Variants in TSNARE1 observed in about 807,000 individuals in gnomAD.
TSNARE1 encodes the protein t-SNARE domain containing 1.
In TSNARE1, 49 loss-of-function variants were observed where a neutral mutation model predicts 62.0. The observed-to-expected ratio is 0.79, with a 90% CI of 0.63 to 1.00. The LOEUF (loss-of-function observed/expected upper bound fraction) is 1.00. Ranked by LOEUF, TSNARE1 falls within the 50% of genes least tolerant of loss-of-function variation. The pLI is 0.00. For synonymous variants in TSNARE1, 328 were observed against 294.4 expected, an observed-to-expected ratio of 1.11 and a Z score of -1.17; for missense variants, 755 against 700.1, an observed-to-expected ratio of 1.08 and a Z score of -0.88.
At chr8:142,317,695 T>C (rs1358872572) in intron 7 of TSNARE1, among the ~76,000 whole-genome samples, 1 of 152,162 alleles carries the variant, frequency 6.6e-6, no homozygotes, top group African/African-American at 2.4e-5. Flanking sequence ...TGGTGGCTCA[T>C]GCCTGTAATC....
intron 10 of TSNARE1, among the ~76,000 whole-genome samples, chr8:142,292,366 G>A (rs1823939047): frequency 6.6e-6 from 1 of 152,242 alleles, no homozygotes; most frequent in Non-Finnish European, 1.5e-5. Context: ...GTGGTGGGAA[G>A]GCAGGTGCGG....
intron 11 of TSNARE1, among the ~76,000 whole-genome samples, chr8:142,281,038 G>C (rs1821359244): frequency 1.3e-5 from 2 of 152,328 alleles, no homozygotes; most frequent in Middle Eastern, 3.4e-3. Context: ...CCCGGGAAGA[G>C]GACGCCAGCT....
chr8:142,282,124 C>T (rs889800964), intron 11 of TSNARE1, among the ~76,000 whole-genome samples: 3 of 152,244 alleles, frequency 2.0e-5, no homozygotes, highest in Admixed American at 6.5e-5. Context: ...GGTGCCCTGG[C>T]TTGCGGTGCA....
At chr8:142,252,532 C>T (rs1019929657) in intron 12 of TSNARE1, among the ~76,000 whole-genome samples, 2 of 152,246 alleles carry the variant, frequency 1.3e-5, no homozygotes, top group African/African-American at 4.8e-5. Context: ...CCAGCAGGAG[C>T]TACCTGCATG....
At chr8:142,373,205 T>A (rs1023975059) in intron 1 of TSNARE1, among the ~76,000 whole-genome samples, 5 of 152,178 alleles carry the variant, frequency 3.3e-5, no homozygotes, top group Admixed American at 6.5e-5. Context: ...AGCCTGGAGC[T>A]GGGCACAACT....
intron 11 of TSNARE1, chr8:142,276,158 G>A: frequency 1.0e-6 from 1 of 985,416 alleles, no homozygotes; most frequent in Non-Finnish European, 1.2e-6. Flanking sequence ...GCCAGGGAGG[G>A]GAGAGCCAGG....
chr8:142,400,258 A>C (rs1308432456), intron 1 of TSNARE1, among the ~76,000 whole-genome samples: 1 of 152,112 alleles, frequency 6.6e-6, no homozygotes, highest in East Asian at 1.9e-4. Context: ...CAGCCTAGCC[A>C]ACATGGTGAA....
chr8:142,230,088 AT>A (rs1393048837), intron 12 of TSNARE1, among the ~76,000 whole-genome samples: 1 of 152,204 alleles, frequency 6.6e-6, no homozygotes, highest in Non-Finnish European at 1.5e-5. Context: ...AATTTAAAAA[AT>A]TCTGGACCCA....
chr8:142,276,748 G>A, intron 11 of TSNARE1: 1 of 985,356 alleles, frequency 1.0e-6, no homozygotes, highest in Non-Finnish European at 1.2e-6. Flanking sequence ...TGACCTGGAG[G>A]CCCACCCTCA....
chr8:142,317,048 C>T (rs117936421), intron 7 of TSNARE1, among the ~76,000 whole-genome samples: 3,327 of 151,886 alleles, frequency 0.022, 93 homozygotes, highest in East Asian at 0.041. Flanking sequence ...GAAGCAGGTG[C>T]GGCCAGCAGC....
At chr8:142,282,552 G>A (rs1026690501) in intron 11 of TSNARE1, among the ~76,000 whole-genome samples, 6 of 151,764 alleles carry the variant, frequency 4.0e-5, no homozygotes, top group South Asian at 2.1e-4. Context: ...GAGCAGAGGC[G>A]GGACCAGTGT....
chr8:142,375,475 G>A (rs1836260951), intron 1 of TSNARE1, among the ~76,000 whole-genome samples: 1 of 152,208 alleles, frequency 6.6e-6, no homozygotes, highest in South Asian at 2.1e-4. Flanking sequence ...GCAGGCACTG[G>A]CAGGACATGC....
chr8:142,371,351 A>T (rs974198972), intron 1 of TSNARE1, among the ~76,000 whole-genome samples: 1 of 152,220 alleles, frequency 6.6e-6, no homozygotes, highest in Non-Finnish European at 1.5e-5. Flanking sequence ...AATGGCTGCC[A>T]GGGGCTAGGG....
At chr8:142,357,413 C>A (rs1358314114) in intron 1 of TSNARE1, among the ~76,000 whole-genome samples, 1 of 152,178 alleles carries the variant, frequency 6.6e-6, no homozygotes, top group Non-Finnish European at 1.5e-5. Context: ...TGGTGGGGCG[C>A]TGGTGGGGCC....
rs557327660 is a variant in TSNARE1, at chr8:142,371,109, C to T, written c.-39-16346G>A. ...AGGGAATATTACTAACAACTTTATGCCCATAAATTCAACAACCTAGATGAA... is the reference window on the plus strand; with the variant it reads ...AGGGAATATTACTAACAACTTTATGTCCATAAATTCAACAACCTAGATGAA... On this transcript the variant is annotated intron_variant, in intron 1 of 13. Transcript: ENST00000524325. Among the ~76,000 whole-genome samples, 11 of 152,296 alleles carry T rather than the reference C, an allele frequency of 7.2e-5. No individual in the cohort carries two copies. The East Asian group carries it at 1.5e-3, about 21-fold the overall frequency.
At chr8:142,284,299 C>A (rs1367888193) in intron 11 of TSNARE1, 114 bp downstream of exon 11, 15 of 795,378 alleles carry the variant, frequency 1.9e-5, no homozygotes, top group Non-Finnish European at 2.7e-5. Flanking sequence ...CCAGCCTGGG[C>A]CTGGCTCCTC....
chr8:142,354,022 G>A (rs1041110581), intron 2 of TSNARE1, among the ~76,000 whole-genome samples: 1 of 152,038 alleles, frequency 6.6e-6, no homozygotes, highest in African/African-American at 2.4e-5. Context: ...GCCTGCCCAC[G>A]TGAAGGGCCG....
intron 4 of TSNARE1, among the ~76,000 whole-genome samples, chr8:142,343,324 G>A (rs1832846047): frequency 6.6e-6 from 1 of 152,160 alleles, no homozygotes; most frequent in African/African-American, 2.4e-5. Context: ...CAGAAAACCA[G>A]TTTAGTAAGT....
intron 12 of TSNARE1, among the ~76,000 whole-genome samples, chr8:142,252,189 G>C (rs945501438): frequency 1.3e-5 from 2 of 152,282 alleles, no homozygotes; most frequent in Non-Finnish European, 2.9e-5. Flanking sequence ...TATCTGGGCG[G>C]TTTGTTTGGT....
Sources: allele counts gnomAD v4.1 joint callset (sites outside exome capture counted in the v4.1 genomes callset), GRCh38; gene constraint gnomAD v4.1.1; transcripts MANE v1.5; gene names NCBI Gene and HGNC (gene_info 2026-07-23, HGNC 2026-07-21).